DLG2: variants seen among roughly 807,000 people sequenced by gnomAD.
The protein encoded by DLG2 is discs large MAGUK scaffold protein 2, also known as disks large homolog 2.
Under a neutral mutation model 132.5 loss-of-function variants are expected in DLG2, and 45 were observed. The ratio of observed to expected loss-of-function variants is 0.34; its 90% confidence interval spans 0.27 to 0.44. The LOEUF is 0.44. DLG2 is among the 20% of genes least tolerant of loss of function. The probability of loss-of-function intolerance (pLI) is 1.00; values close to 1 mark genes in which losing one functional copy is unlikely to be tolerated. For missense variants in DLG2, 1,045 were observed against 1,196.9 expected (o/e 0.87, Z 1.87); for synonymous variants, 424 against 419.6 (o/e 1.01, Z -0.13).
At chr11:85,086,676 T>C (rs1466239966) in intron 6 of DLG2, among the ~76,000 whole-genome samples, 2 of 152,306 alleles carry the variant, frequency 1.3e-5, no homozygotes, top group Admixed American at 6.5e-5. Context: ...CTATAAGCCC[T>C]ATGCATCTTC....
chr11:85,447,865 G>A (rs2092078962), intron 3 of DLG2, among the ~76,000 whole-genome samples: 1 of 152,152 alleles, frequency 6.6e-6, no homozygotes, highest in African/African-American at 2.4e-5. Context: ...AGAGGGATGA[G>A]ATAGACAGAA....
chr11:84,191,145 A>G (rs1260587925), intron 8 of DLG2, among the ~76,000 whole-genome samples: 1 of 152,176 alleles, frequency 6.6e-6, no homozygotes, highest in Non-Finnish European at 1.5e-5. Context: ...AATCTGGAGA[A>G]AGTCAGATTT....
At chr11:84,591,234 T>TGTGTGTGG (rs2099542231) in intron 6 of DLG2, among the ~76,000 whole-genome samples, 1 of 150,200 alleles carries the variant, frequency 6.7e-6, no homozygotes, top group East Asian at 1.9e-4. Context: ...TGTGTGTGTG[T>TGTGTGTGG]GTGTGTGTGT....
chr11:84,945,251 G>A (rs185474302), intron 6 of DLG2, among the ~76,000 whole-genome samples: 13 of 152,286 alleles, frequency 8.5e-5, no homozygotes, highest in African/African-American at 2.2e-4. Context: ...CACTATAGCC[G>A]TATCTGCACT....
At chr11:85,414,023 T>C (rs571083665) in intron 3 of DLG2, among the ~76,000 whole-genome samples, 28 of 152,212 alleles carry the variant, frequency 1.8e-4, no homozygotes, top group Middle Eastern at 3.4e-3. Context: ...ATTCTACCCA[T>C]TCATGTGCAT....
chr11:84,565,175 A>C (rs1022832330), intron 6 of DLG2, among the ~76,000 whole-genome samples: 1 of 152,220 alleles, frequency 6.6e-6, no homozygotes, highest in Non-Finnish European at 1.5e-5. Flanking sequence ...CAGCTTGTCC[A>C]TATACACAGG....
intron 16 of DLG2, among the ~76,000 whole-genome samples, chr11:83,835,872 G>C (rs535940582): frequency 5.9e-5 from 9 of 151,920 alleles, no homozygotes; most frequent in Non-Finnish European, 1.3e-4. Flanking sequence ...TATTAGTCAG[G>C]GTTCTTCAGA....
chr11:84,931,108 C>A (rs145251657), intron 6 of DLG2, among the ~76,000 whole-genome samples: 3 of 152,222 alleles, frequency 2.0e-5, no homozygotes, highest in African/African-American at 4.8e-5. Context: ...TCTTGAAACA[C>A]CCTTACCCTA....
intron 6 of DLG2, among the ~76,000 whole-genome samples, chr11:84,726,925 C>G (rs945620674): frequency 3.9e-5 from 6 of 152,118 alleles, no homozygotes; most frequent in African/African-American, 1.4e-4. Context: ...CTGCTTATAT[C>G]TTTTGCCCAG....
intron 7 of DLG2, among the ~76,000 whole-genome samples, chr11:84,321,275 GA>G (rs1224546303): frequency 2.0e-5 from 3 of 151,496 alleles, no homozygotes; most frequent in African/African-American, 7.3e-5. Flanking sequence ...TAGAACTGGT[GA>G]AACAGCTTTC....
chr11:83,504,683 G>A (rs145896146), intron 21 of DLG2, among the ~76,000 whole-genome samples: 99 of 152,256 alleles, frequency 6.5e-4, no homozygotes, highest in African/African-American at 2.2e-3. Flanking sequence ...GTGGGAGGAG[G>A]AAGCAAAAAA....
At chr11:85,220,695 T>A (rs1401348662) in intron 4 of DLG2, among the ~76,000 whole-genome samples, 1 of 151,052 alleles carries the variant, frequency 6.6e-6, no homozygotes, top group Non-Finnish European at 1.5e-5. Flanking sequence ...TCATTAAACA[T>A]TAAAATTCAA....
intron 12 of DLG2, among the ~76,000 whole-genome samples, chr11:83,972,417 A>G (rs2091501023): frequency 1.3e-5 from 2 of 152,176 alleles, no homozygotes; most frequent in African/African-American, 4.8e-5. Context: ...GAAATCAAAC[A>G]GCCATAATCA....
intron 6 of DLG2, among the ~76,000 whole-genome samples, chr11:84,738,879 TAAACA>T (rs2064216850): frequency 6.6e-6 from 1 of 152,152 alleles, no homozygotes. Flanking sequence ...AGTGAATGTA[TAAACA>T]AAACAAGATA....
chr11:84,205,666 T>C (rs536043989), intron 8 of DLG2, among the ~76,000 whole-genome samples: 2 of 152,124 alleles, frequency 1.3e-5, no homozygotes, highest in South Asian at 4.1e-4. Flanking sequence ...AAAAGCATAA[T>C]AGATAACAAA....
At chr11:85,142,114 A>T (rs1240829968) in intron 5 of DLG2, among the ~76,000 whole-genome samples, 1 of 151,822 alleles carries the variant, frequency 6.6e-6, no homozygotes, top group Non-Finnish European at 1.5e-5. Context: ...GTATTTTGAT[A>T]GGGATTTCAC....
At chr11:84,162,572 C>T (rs1211794206) in intron 9 of DLG2, among the ~76,000 whole-genome samples, 1 of 152,016 alleles carries the variant, frequency 6.6e-6, no homozygotes, top group Admixed American at 6.6e-5. Context: ...CATATCAATA[C>T]ACACATTCAT....
intron 18 of DLG2, among the ~76,000 whole-genome samples, chr11:83,773,282 T>C (rs1566911188): frequency 6.6e-6 from 1 of 152,196 alleles, no homozygotes; most frequent in African/African-American, 2.4e-5. Context: ...ATGATGATAA[T>C]ACCACCAGTA....
chr11:85,418,925 A>G (rs192733707), intron 3 of DLG2, among the ~76,000 whole-genome samples: 10 of 152,302 alleles, frequency 6.6e-5, no homozygotes, highest in African/African-American at 2.4e-4. Flanking sequence ...CATTTAGCCC[A>G]TTTACATTTA....
Sources: allele counts gnomAD v4.1 joint callset (sites outside exome capture counted in the v4.1 genomes callset), GRCh38; gene constraint gnomAD v4.1.1; transcripts MANE v1.5; gene names NCBI Gene and HGNC (gene_info 2026-07-23, HGNC 2026-07-21).